TACC2: variants seen among roughly 807,000 people sequenced by gnomAD.
The protein encoded by TACC2 is transforming acidic coiled-coil containing protein 2.
Under a neutral mutation model 227.3 loss-of-function variants are expected in TACC2, and 137 were observed. That is an observed-to-expected ratio of 0.60 (90% CI 0.52 to 0.69). The LOEUF (loss-of-function observed/expected upper bound fraction) is 0.69, where lower values mean the gene tolerates loss of function less well. Ranked by LOEUF, TACC2 falls within the 30% of genes least tolerant of loss-of-function variation. TACC2 has a pLI of 0.00. For missense variants in TACC2, 3,470 were observed against 3,694.4 expected, an observed-to-expected ratio of 0.94 and a Z score of 1.57; for synonymous variants, 1,523 against 1,487.5, an observed-to-expected ratio of 1.02 and a Z score of -0.55.
chr10:122,169,513 C>A (rs539467096), intron 7 of TACC2, among the ~76,000 whole-genome samples: 43 of 152,312 alleles, frequency 2.8e-4, no homozygotes, highest in Admixed American at 4.6e-4. Context: ...CAGCCAGAGA[C>A]AACATGTAAA....
intron 6 of TACC2, among the ~76,000 whole-genome samples, chr10:122,140,439 A>G (rs879634717): frequency 2.0e-5 from 3 of 152,258 alleles, no homozygotes; most frequent in Non-Finnish European, 4.4e-5. Flanking sequence ...CTTCTTCGTT[A>G]TTCCAATAAG....
intron 7 of TACC2, among the ~76,000 whole-genome samples, chr10:122,145,675 A>C (rs1250075168): frequency 6.6e-6 from 1 of 152,208 alleles, no homozygotes; most frequent in African/African-American, 2.4e-5. Flanking sequence ...CAAGGGCTAG[A>C]GTAGATTTTT....
chr10:122,248,548 GTGAGGCTGAGTTGCATC>G, intron 19 of TACC2, 78 bp from the exon 20 acceptor site: 1 of 1,455,896 alleles, frequency 6.9e-7, no homozygotes, highest in South Asian at 1.2e-5. Context: ...GCCCCCACTG[GTGAGGCTGAGTTGCATC>G]TGAGGCCTCG....
At chr10:122,232,634 T>C (rs2095780153) in intron 16 of TACC2, among the ~76,000 whole-genome samples, 1 of 152,222 alleles carries the variant, frequency 6.6e-6, no homozygotes, top group South Asian at 2.1e-4. Flanking sequence ...GAGTAACTTG[T>C]ATTGCTTTTG....
intron 18 of TACC2, among the ~76,000 whole-genome samples, chr10:122,240,756 T>C (rs1014989659): frequency 4.6e-5 from 7 of 152,192 alleles, no homozygotes; most frequent in Admixed American, 4.6e-4. Context: ...TATTGGATAA[T>C]GTAGGTGAAC....
intron 5 of TACC2, among the ~76,000 whole-genome samples, chr10:122,128,892 G>C (rs1334242699): frequency 6.6e-6 from 1 of 151,488 alleles, no homozygotes; most frequent in Non-Finnish European, 1.5e-5. Context: ...CTCTCTCTCT[G>C]TCACGTGCTC....
At chr10:122,186,997 C>T (rs77605692) in intron 7 of TACC2, among the ~76,000 whole-genome samples, 4 of 152,196 alleles carry the variant, frequency 2.6e-5, no homozygotes, top group African/African-American at 9.6e-5. Context: ...GATCTAGTTA[C>T]AAATCGGTGA....
intron 3 of TACC2, among the ~76,000 whole-genome samples, chr10:122,064,475 A>T: frequency 6.6e-6 from 1 of 152,228 alleles, no homozygotes; most frequent in East Asian, 1.9e-4. Flanking sequence ...AAGTGAAATG[A>T]TGTATAATGA....
chr10:122,105,573 T>C (rs1367097629), intron 5 of TACC2, among the ~76,000 whole-genome samples: 1 of 152,094 alleles, frequency 6.6e-6, no homozygotes, highest in Non-Finnish European at 1.5e-5. Context: ...TTCCTGCTTC[T>C]TGCCTCTCCA....
At chr10:122,041,428 CAG>C (rs2074244186) in intron 2 of TACC2, among the ~76,000 whole-genome samples, 1 of 147,406 alleles carries the variant, frequency 6.8e-6, no homozygotes, top group South Asian at 2.2e-4. Context: ...CATGACAGCA[CAG>C]AGTTTCCTTT....
chr10:122,078,251 G>A (rs943160755), intron 3 of TACC2, among the ~76,000 whole-genome samples: 44 of 147,606 alleles, frequency 3.0e-4, no homozygotes, highest in Non-Finnish European at 6.4e-4. Context: ...GCCTGAGTCA[G>A]TGTTTAGTAC....
rs557542962 is a variant in TACC2, at chr10:122,037,125, G to T, written c.34-13313G>T. On this transcript the variant is annotated intron_variant, in intron 2 of 22. Transcript: ENST00000369005. Reference sequence around the variant, plus strand: ...TGGAAAAGGAACATTCTGGAATAAGGTAACAGGTGTGTATGGTATAGGAAT... The same window carrying T: ...TGGAAAAGGAACATTCTGGAATAAGTTAACAGGTGTGTATGGTATAGGAAT... Among the ~76,000 whole-genome samples, 9 of 152,286 alleles carry T rather than the reference G, an allele frequency of 5.9e-5. No homozygotes were observed. The East Asian group carries it at 1.4e-3, about 23-fold the overall frequency.
intron 7 of TACC2, among the ~76,000 whole-genome samples, chr10:122,148,961 T>G (rs2091731726): frequency 6.6e-6 from 1 of 152,216 alleles, no homozygotes; most frequent in Non-Finnish European, 1.5e-5. Flanking sequence ...TGATGGGCCT[T>G]CCTTTCCCCT....
At chr10:122,249,192 C>T in intron 21 of TACC2, 36 bp downstream of exon 21, 2 of 1,508,688 alleles carry the variant, frequency 1.3e-6, no homozygotes, top group Non-Finnish European at 1.8e-6. Flanking sequence ...TCCCAGGGGC[C>T]TCCCAGCAGC....
chr10:121,995,814 C>T (rs769906683), intron 1 of TACC2, among the ~76,000 whole-genome samples: 60 of 151,578 alleles, frequency 4.0e-4, no homozygotes, highest in Non-Finnish European at 3.8e-4. Flanking sequence ...AGTGCAGTGG[C>T]GCAATCTTGG....
At chr10:122,181,261 T>C (rs2093963150) in intron 7 of TACC2, among the ~76,000 whole-genome samples, 1 of 152,204 alleles carries the variant, frequency 6.6e-6, no homozygotes, top group African/African-American at 2.4e-5. Context: ...TTGTTGGATG[T>C]GTGGGAAGAG....
intron 1 of TACC2, among the ~76,000 whole-genome samples, chr10:121,998,062 A>C (rs1177295004): frequency 6.6e-6 from 1 of 152,090 alleles, no homozygotes; most frequent in East Asian, 1.9e-4. Flanking sequence ...CTGTAACCCT[A>C]GCACTTTGGG....
At chr10:122,148,239 G>A (rs960663811) in intron 7 of TACC2, among the ~76,000 whole-genome samples, 1 of 152,074 alleles carries the variant, frequency 6.6e-6, no homozygotes, top group Non-Finnish European at 1.5e-5. Flanking sequence ...TAGTAGCTGG[G>A]ATTATAGGCA....
At chr10:122,043,473 CTT>C (rs1491458422) in intron 2 of TACC2, among the ~76,000 whole-genome samples, 28 of 150,734 alleles carry the variant, frequency 1.9e-4, no homozygotes, top group African/African-American at 5.8e-4. Flanking sequence ...TTCTTTCTTT[CTT>C]TTTCTCTTTC....
Sources: gnomAD v4.1 joint callset for allele counts (sites outside exome capture counted in the v4.1 genomes callset) on GRCh38, gnomAD v4.1.1 for gene constraint, MANE v1.5 for transcripts, NCBI Gene and HGNC (gene_info 2026-07-23, HGNC 2026-07-21) for gene names.